The following CYTH3 variants were observed in gnomAD, a reference collection of about 807,000 sequenced individuals.
CYTH3 encodes cytohesin 3, also known as cytohesin-3.
A neutral mutation model predicts 55.1 loss-of-function variants in CYTH3; 23 were observed. The observed-to-expected ratio is 0.42, with a 90% CI of 0.30 to 0.59. The LOEUF (loss-of-function observed/expected upper bound fraction) is 0.59, where lower values mean the gene tolerates loss of function less well. Among genes scored for constraint, CYTH3 ranks in the 20% least tolerant of loss-of-function variants. CYTH3 has a pLI of 0.20. For synonymous variants in CYTH3, 249 were observed against 194.9 expected (o/e 1.28, Z -2.31); for missense variants, 413 against 524.8 (o/e 0.79, Z 2.08).
intron 1 of CYTH3, among the ~76,000 whole-genome samples, chr7:6,223,227 G>A (rs529667253): frequency 2.2e-4 from 34 of 151,996 alleles, no homozygotes; most frequent in African/African-American, 6.3e-4. Context: ...CGGCCCGGCC[G>A]CCCCATCTGG....
intron 1 of CYTH3, among the ~76,000 whole-genome samples, chr7:6,216,398 C>T (rs928034108): frequency 6.6e-6 from 1 of 151,890 alleles, no homozygotes; most frequent in Admixed American, 6.6e-5. Context: ...TGCAAACATA[C>T]ACCTAGAGCA....
intron 1 of CYTH3, among the ~76,000 whole-genome samples, chr7:6,205,115 T>A (rs557300196): frequency 1.3e-5 from 2 of 152,100 alleles, no homozygotes; most frequent in Non-Finnish European, 2.9e-5. Flanking sequence ...CAGTGAGCCA[T>A]GATCATGCCA....
intron 1 of CYTH3, among the ~76,000 whole-genome samples, 183 bp from the exon 2 acceptor site, chr7:6,190,714 C>T (rs910785658): frequency 6.6e-6 from 1 of 152,100 alleles, no homozygotes; most frequent in African/African-American, 2.4e-5. Flanking sequence ...AGAAAACAGC[C>T]TAAATATTCA....
At chr7:6,187,029 A>G in intron 4 of CYTH3, 21 bp downstream of exon 4, 1 of 1,612,342 alleles carries the variant, frequency 6.2e-7, no homozygotes, top group Non-Finnish European at 8.5e-7. Context: ...GCAGGCCAGA[A>G]AAGGGAGAGC....
At chr7:6,187,904 G>A (rs1783695149) in intron 2 of CYTH3, among the ~76,000 whole-genome samples, 183 bp from the exon 3 acceptor site, 1 of 152,136 alleles carries the variant, frequency 6.6e-6, no homozygotes, top group African/African-American at 2.4e-5. Context: ...CCACAACTTA[G>A]GAGAACACAA....
intron 1 of CYTH3, among the ~76,000 whole-genome samples, chr7:6,259,471 A>G (rs972933842): frequency 2.0e-5 from 3 of 151,862 alleles, no homozygotes; most frequent in African/African-American, 7.3e-5. Flanking sequence ...TGGCCAACTG[A>G]AATTGACTCA....
intron 1 of CYTH3, among the ~76,000 whole-genome samples, chr7:6,259,784 AATATAT>A (rs71523777): frequency 0.015 from 315 of 20,892 alleles, 18 homozygotes; most frequent in Admixed American, 0.039. Flanking sequence ...ATATATATAT[AATATAT>A]ATATATATAT....
chr7:6,187,429 G>A (rs181537782), intron 3 of CYTH3, among the ~76,000 whole-genome samples: 1 of 152,348 alleles, frequency 6.6e-6, no homozygotes, highest in East Asian at 1.9e-4. Context: ...GCTTATGCCT[G>A]AACCTATAAA....
rs1325753044 is a variant in CYTH3 at position 6,248,650 on chromosome 7, C to T, written c.34+23824G>A. On this transcript the variant is annotated intron_variant, in intron 1 of 12. Coordinates refer to ENST00000350796, the MANE Select transcript of CYTH3 (RefSeq NM_004227.4). Reference sequence around the variant, plus strand: ...TCAATATCGCTGCTGCACAAGCCCACCCCGGCTGCCCGTGGCCACTCAGGG... The same window carrying T: ...TCAATATCGCTGCTGCACAAGCCCATCCCGGCTGCCCGTGGCCACTCAGGG... Among the ~76,000 whole-genome samples, 5 of 152,188 alleles carry T rather than the reference C, an allele frequency of 3.3e-5. No homozygotes were observed. In the East Asian group the frequency reaches 9.6e-4, roughly 29 times the overall value.
rs1174058966 is a variant in CYTH3, at chr7:6,169,043, A to G, written c.823+1492T>C. ...CTCTCAGGCACCCGAGCCAAAGACC[A>G]TGGTACTAGGTTTTCAGGCAAATAT... On this transcript the variant is annotated intron_variant, in intron 9 of 12. Transcript: ENST00000350796. This position sits in a 1 kb window ranked among gnomAD's most constrained non-coding sequence, Gnocchi z 4.1. 6.6e-6 allele frequency among the ~76,000 whole-genome samples: 1 copy of G among 152,208 alleles called. No homozygotes were observed. Among genetic ancestry groups the G allele is most frequent in the Non-Finnish European group, 1.5e-5 (1 of 68,028 alleles).
chr7:6,252,384 C>T lies in CYTH3; in HGVS notation c.34+20090G>A, dbSNP rs528632665. On this transcript the variant is annotated intron_variant, in intron 1 of 12. Transcript: ENST00000350796. ...CAGCCTCACATATACTCTCTGGTTA[C>T]GTGGCGTGTACATAATTAAAAGGGA... Among the ~76,000 whole-genome samples, 15 of 152,260 alleles carry T rather than the reference C, an allele frequency of 9.9e-5. No homozygotes were observed. The South Asian group carries it at 1.0e-3, about 11-fold the overall frequency.
At chr7:6,258,050 G>C (rs979277733) in intron 1 of CYTH3, among the ~76,000 whole-genome samples, 3 of 152,166 alleles carry the variant, frequency 2.0e-5, no homozygotes, top group African/African-American at 4.8e-5. Flanking sequence ...CTCCTGGGAG[G>C]ATCACTTGAG....
intron 6 of CYTH3, among the ~76,000 whole-genome samples, chr7:6,172,408 C>T (rs1783224688): frequency 6.6e-6 from 1 of 152,096 alleles, no homozygotes. Flanking sequence ...CCCTCTCTGC[C>T]CCACATTCAC....
chr7:6,171,044 G>T lies in CYTH3; in HGVS notation c.563-66C>A. The T allele has an allele frequency of 3.1e-6, 5 of 1,601,232 alleles. No homozygotes were observed. The highest frequency in any genetic ancestry group is 3.4e-6 in the Non-Finnish European group (4 of 1,172,724). ...AGTGGACAGTGGGACCCCGCGTGCT[G>T]GGGGCCCGCCTGCAAGAGGTGCCCG... On this transcript the variant is annotated intron_variant, in intron 7 of 12. Transcript: ENST00000350796. This position sits in a 1 kb window ranked among gnomAD's most constrained non-coding sequence, Gnocchi z 6.7.
intron 1 of CYTH3, among the ~76,000 whole-genome samples, chr7:6,255,705 A>G (rs1468821933): frequency 2.7e-5 from 4 of 146,578 alleles, no homozygotes; most frequent in Admixed American, 6.8e-5. Context: ...CAGACTCCCT[A>G]TGTGGGGGAG....
chr7:6,241,802 T>G (rs1779679187), intron 1 of CYTH3, among the ~76,000 whole-genome samples: 1 of 152,058 alleles, frequency 6.6e-6, no homozygotes, highest in African/African-American at 2.4e-5. Context: ...ATGACAGCTA[T>G]CAGTTTTAAA....
intron 2 of CYTH3, among the ~76,000 whole-genome samples, chr7:6,190,187 C>T (rs993462654): frequency 3.3e-5 from 5 of 152,204 alleles, no homozygotes; most frequent in African/African-American, 1.2e-4. Flanking sequence ...CTGGCTACTG[C>T]TGACCTCAGT....
intron 1 of CYTH3, among the ~76,000 whole-genome samples, chr7:6,200,613 G>A (rs758521110): frequency 9.2e-5 from 14 of 152,170 alleles, no homozygotes; most frequent in Non-Finnish European, 2.1e-4. Context: ...GAGACTGGCC[G>A]ATTCTGCAGG....
At chr7:6,231,977 T>C (rs960152298) in intron 1 of CYTH3, among the ~76,000 whole-genome samples, 2 of 152,210 alleles carry the variant, frequency 1.3e-5, no homozygotes, top group African/African-American at 4.8e-5. Context: ...ATTTACCTGT[T>C]CTGCTTTCTT....
Sources: allele counts gnomAD v4.1 joint callset (sites outside exome capture counted in the v4.1 genomes callset), GRCh38; gene constraint gnomAD v4.1.1; non-coding constraint Gnocchi (gnomAD v3.1); transcripts MANE v1.5; gene names NCBI Gene and HGNC (gene_info 2026-07-23, HGNC 2026-07-21).